Variants in PLEKHA1 observed in about 807,000 individuals in gnomAD.
The protein encoded by PLEKHA1 is pleckstrin homology domain containing A1.
A neutral mutation model predicts 52.0 loss-of-function variants in PLEKHA1; 34 were observed. The ratio of observed to expected loss-of-function variants is 0.65; its 90% CI spans 0.50 to 0.87. The LOEUF is 0.87. Among genes scored for constraint, PLEKHA1 ranks in the 40% least tolerant of loss-of-function variants. The pLI, the probability that PLEKHA1 is intolerant of heterozygous loss-of-function variation, is 0.00. For missense variants in PLEKHA1, 497 were observed against 504.2 expected (o/e 0.99, Z 0.14); for synonymous variants, 163 against 170.7 (o/e 0.95, Z 0.35).
In PLEKHA1 at chr10:122,393,428, T is replaced by G. The variant is rs2096802378; in HGVS notation, c.141+87T>G. ...ATACTATACAGGCTTTAGATTTGTC[T>G]TCTTAAGCAGTATATTTTTAGATTT... On this transcript the variant is annotated intron_variant, in intron 2 of 11. Coordinates refer to ENST00000368990, the MANE Select transcript of PLEKHA1 (RefSeq NM_001001974.4). This position sits in a 1 kb window ranked among gnomAD's most constrained non-coding sequence, Gnocchi z 4.5. 1.6e-6 allele frequency: 2 copies of G among 1,285,688 alleles called. No individual in the cohort carries two copies. The highest frequency in any genetic ancestry group is 1.5e-5 in the African/African-American group (1 of 65,726). 79.6% of individuals were successfully genotyped at this position (1,285,688 alleles called of 1,614,324 possible).
intron 1 of PLEKHA1, among the ~76,000 whole-genome samples, chr10:122,378,489 A>G (rs2096568515): frequency 6.6e-6 from 1 of 151,544 alleles, no homozygotes; most frequent in South Asian, 2.1e-4. Flanking sequence ...TAATCCCAGC[A>G]CTTCAGAAAG....
At chr10:122,418,728 A>G (rs2097215363) in intron 8 of PLEKHA1, 1 of 152,190 alleles carries the variant, frequency 6.6e-6, no homozygotes, top group Non-Finnish European at 1.5e-5. Flanking sequence ...CTTATTTAAA[A>G]TATTGTAGGG....
At chr10:122,383,345 G>T (rs1422903713) in intron 1 of PLEKHA1, among the ~76,000 whole-genome samples, 1 of 136,410 alleles carries the variant, frequency 7.3e-6, no homozygotes. Flanking sequence ...TTTTAGAATG[G>T]GTCTTGCTCT....
chr10:122,388,208 T>A (rs2096727820), intron 1 of PLEKHA1, among the ~76,000 whole-genome samples: 1 of 152,248 alleles, frequency 6.6e-6, no homozygotes, highest in Non-Finnish European at 1.5e-5. Flanking sequence ...CTATTCCTTG[T>A]TGCTCTGGAT....
chr10:122,438,354 A>T, the PLEKHA1 span: 1 of 152,334 alleles, frequency 6.6e-6, no homozygotes, highest in African/African-American at 2.4e-5. Context: ...AAGAGTACAG[A>T]ATTGTTGGAA....
chr10:122,381,026 A>G (rs1284311005), intron 1 of PLEKHA1, among the ~76,000 whole-genome samples: 3 of 152,178 alleles, frequency 2.0e-5, no homozygotes, highest in Non-Finnish European at 4.4e-5. Context: ...TAAAATTGTT[A>G]TAAGGATTAA....
chr10:122,398,056 T>C, intron 3 of PLEKHA1, 82 bp downstream of exon 3: 1 of 1,138,656 alleles, frequency 8.8e-7, no homozygotes, highest in Non-Finnish European at 1.3e-6. Flanking sequence ...CAGTTTCCTT[T>C]CCATGTCCTT....
chr10:122,404,530 A>G (rs2096978118), intron 4 of PLEKHA1, among the ~76,000 whole-genome samples: 1 of 152,216 alleles, frequency 6.6e-6, no homozygotes, highest in Non-Finnish European at 1.5e-5. Context: ...ATTATGAATG[A>G]GGAGAGCTCT....
intron 1 of PLEKHA1, chr10:122,386,675 T>A (rs1203886990): frequency 2.4e-4 from 37 of 152,172 alleles, no homozygotes; most frequent in Admixed American, 2.4e-3. Context: ...ATTATTCCAG[T>A]CTTGTTTGTT....
chr10:122,398,964 T>C (rs1590499171), intron 3 of PLEKHA1, among the ~76,000 whole-genome samples: 1 of 152,150 alleles, frequency 6.6e-6, no homozygotes, highest in South Asian at 2.1e-4. Flanking sequence ...ACGACAAATA[T>C]TGTATGGAAG....
intron 11 of PLEKHA1, among the ~76,000 whole-genome samples, chr10:122,427,644 T>A (rs921938340): frequency 1.9e-4 from 29 of 152,322 alleles, no homozygotes; most frequent in African/African-American, 6.3e-4. Context: ...ATAATAAAAT[T>A]GAAATACAAC....
Position 122,426,986 on chromosome 10 carries a change from T to A in PLEKHA1, c.855T>A (p.Ser285=). The A allele has an allele frequency of 6.2e-7, 1 of 1,614,176 alleles. No individual in the cohort carries two copies. Among genetic ancestry groups the A allele is most frequent in the Non-Finnish European group, 8.5e-7 (1 of 1,180,010 alleles). The change falls in exon 11 of 12, where the codon TCT becomes TCA. Residue 285 remains serine (S), a synonymous_variant. Transcript: ENST00000368990. ...TGCACAGTTGGATTAAAGCAGTCTCTGGCGCCATTGTAGCACAGCGGGGTC... is the reference window on the plus strand; with the variant it reads ...TGCACAGTTGGATTAAAGCAGTCTCAGGCGCCATTGTAGCACAGCGGGGTC... ...EEMHSWIKAV[S]GAIVAQRGPG... is the part of the protein sequence containing the mutation.
intron 4 of PLEKHA1, among the ~76,000 whole-genome samples, chr10:122,406,072 A>G (rs2134440411): frequency 6.6e-6 from 1 of 152,328 alleles, no homozygotes; most frequent in South Asian, 2.1e-4. Flanking sequence ...CACAGGTGCT[A>G]ACAACCAGTT....
chr10:122,375,695 A>G (rs549290744), intron 1 of PLEKHA1, among the ~76,000 whole-genome samples: 5 of 152,294 alleles, frequency 3.3e-5, no homozygotes, highest in African/African-American at 4.8e-5. Context: ...CAGAGCATCT[A>G]CCGTGGTCTG....
rs2097016520 is a variant in PLEKHA1, at chr10:122,406,444, T to C, written c.245-132T>C. On this transcript the variant is annotated intron_variant, in intron 4 of 11. Coordinates refer to ENST00000368990, the MANE Select transcript of PLEKHA1 (RefSeq NM_001001974.4). ...ATTGTGTGATAAAAGCTGTATTACATGTGGTCTGATATATTTTGTCAAATC... is the reference window on the plus strand; with the variant it reads ...ATTGTGTGATAAAAGCTGTATTACACGTGGTCTGATATATTTTGTCAAATC... The C allele has an allele frequency of 8.5e-6, 6 of 704,538 alleles. No individual in the cohort carries two copies. The South Asian group carries it at 9.8e-5, about 11-fold the overall frequency. The allele number at this position is 704,538 out of a possible 1,614,324, so 43.6% of individuals were successfully genotyped here.
chr10:122,384,549 CAGTGCGCCG>C (rs1314946991), intron 1 of PLEKHA1, among the ~76,000 whole-genome samples: 1 of 145,958 alleles, frequency 6.9e-6, no homozygotes, highest in East Asian at 2.0e-4. Context: ...GCAGAGCCTG[CAGTGCGCCG>C]AGATCGTGCC....
At chr10:122,387,347 TC>T (rs763588444) in intron 1 of PLEKHA1, 1 of 152,204 alleles carries the variant, frequency 6.6e-6, no homozygotes, top group Non-Finnish European at 1.5e-5. Flanking sequence ...TTAAAATTTT[TC>T]ATTTAGTTAA....
At chr10:122,402,444 T>C (rs2096942922) in intron 4 of PLEKHA1, among the ~76,000 whole-genome samples, 1 of 152,214 alleles carries the variant, frequency 6.6e-6, no homozygotes, top group African/African-American at 2.4e-5. Flanking sequence ...GCAAGCCATT[T>C]TTGATGGAGG....
At chr10:122,418,369 G>C (rs2097209288) in intron 8 of PLEKHA1, 1 of 159,686 alleles carries the variant, frequency 6.3e-6, no homozygotes, top group Non-Finnish European at 1.4e-5. Context: ...ACTATATTAA[G>C]TATAATAGAA....
Sources: allele counts gnomAD v4.1 joint callset (sites outside exome capture counted in the v4.1 genomes callset), GRCh38; gene constraint gnomAD v4.1.1; non-coding constraint Gnocchi (gnomAD v3.1); transcripts MANE v1.5; gene names NCBI Gene and HGNC (gene_info 2026-07-23, HGNC 2026-07-21).